Variants in RNF150 observed in about 807,000 individuals in gnomAD.
RNF150 encodes the protein ring finger protein 150.
In RNF150, 24 loss-of-function variants were observed where a neutral mutation model predicts 39.3. That is an observed-to-expected ratio of 0.61 (90% CI 0.44 to 0.86). The LOEUF is 0.86. Among genes scored for constraint, RNF150 ranks in the 40% least tolerant of loss-of-function variants. The pLI is 0.00. For synonymous variants in RNF150, 255 were observed against 227.3 expected (o/e 1.12, Z -1.10); for missense variants, 502 against 587.8 (o/e 0.85, Z 1.51).
At chr4:141,095,472 A>G (rs1408348832) in intron 1 of RNF150, among the ~76,000 whole-genome samples, 4 of 152,248 alleles carry the variant, frequency 2.6e-5, no homozygotes, top group Non-Finnish European at 5.9e-5. Flanking sequence ...AATTGATAAA[A>G]TGGATAAATT....
intron 1 of RNF150, among the ~76,000 whole-genome samples, chr4:141,078,715 A>G (rs1481989594): frequency 6.9e-6 from 1 of 145,520 alleles, no homozygotes; most frequent in African/African-American, 2.6e-5. Context: ...GCGTGAACCC[A>G]GGCGGTGGAG....
rs1162974641 is a variant in RNF150, at chr4:141,132,368, G to A, written c.441C>T (p.Asn147=). The part of the protein sequence containing the change: ...LQNASAVVIF[N]VGSNTNETIT... ...TGGTCTCGTTGGTGTTGGAGCCCAC[G>A]TTGAAGATGACCACGGCTGAGGCGT... The change falls in exon 1 of 7, where the codon AAC becomes AAT. Residue 147 remains asparagine (N), a synonymous_variant. Transcript: ENST00000515673. This position sits in a 1 kb window ranked among gnomAD's most constrained non-coding sequence, Gnocchi z 4.9. The A allele has an allele frequency of 1.3e-6, 2 of 1,597,356 alleles. No individual in the cohort carries two copies. The highest frequency in any genetic ancestry group is 1.1e-5 in the South Asian group (1 of 87,836).
chr4:141,155,770 G>A (rs1299047881), intron 1 of RNF150, among the ~76,000 whole-genome samples: 1 of 152,166 alleles, frequency 6.6e-6, no homozygotes, highest in African/African-American at 2.4e-5. Flanking sequence ...TCCATGGTGC[G>A]TGGTCTCTCA....
intron 1 of RNF150, among the ~76,000 whole-genome samples, chr4:141,046,294 T>C (rs1410011593): frequency 6.6e-6 from 1 of 152,208 alleles, no homozygotes; most frequent in African/African-American, 2.4e-5. Context: ...TCTACCTACA[T>C]AGATACTAAC....
intron 6 of RNF150, among the ~76,000 whole-genome samples, chr4:140,869,931 G>T (rs1214351812): frequency 1.3e-5 from 2 of 151,994 alleles, no homozygotes; most frequent in Non-Finnish European, 2.9e-5. Flanking sequence ...CTCTTACTTT[G>T]CAGAAGAAAT....
In RNF150 at chr4:140,957,967, G is replaced by A. The variant is rs554316068; in HGVS notation, c.736-8595C>T. On this transcript the variant is annotated intron_variant, in intron 2 of 6. Transcript: ENST00000515673. The stretch of plus-strand genomic sequence containing the variant: ...TAGATGACGAGTTAGTGGGTGTAGC[G>A]CACCAGCATGGCACATGTATACATA... Among the ~76,000 whole-genome samples the A allele has an allele frequency of 1.6e-4, 24 of 151,684 alleles. No homozygotes were observed. In the South Asian group the frequency reaches 4.2e-3, roughly 26 times the overall value.
chr4:140,933,915 A>C (rs1209110126), intron 4 of RNF150, among the ~76,000 whole-genome samples: 1 of 152,216 alleles, frequency 6.6e-6, no homozygotes, highest in Non-Finnish European at 1.5e-5. Context: ...CCACTGACCT[A>C]GTGCCACACT....
At chr4:141,093,299 G>A (rs913516972) in intron 1 of RNF150, among the ~76,000 whole-genome samples, 1 of 151,306 alleles carries the variant, frequency 6.6e-6, no homozygotes, top group Non-Finnish European at 1.5e-5. Context: ...CTGGGAGGAG[G>A]TGCTTGCAGT....
intron 2 of RNF150, among the ~76,000 whole-genome samples, chr4:140,966,029 T>G (rs917780082): frequency 2.0e-5 from 3 of 152,002 alleles, no homozygotes; most frequent in African/African-American, 7.2e-5. Flanking sequence ...ACAATAAAAT[T>G]TATTTTTTTA....
At chr4:141,170,578 C>A (rs939235751) in intron 1 of RNF150, among the ~76,000 whole-genome samples, 1 of 152,144 alleles carries the variant, frequency 6.6e-6, no homozygotes, top group Non-Finnish European at 1.5e-5. Flanking sequence ...GAGAGTCTAT[C>A]ATTAAAGCAG....
At chr4:141,127,999 TG>T (rs2111101461) in intron 1 of RNF150, among the ~76,000 whole-genome samples, 2 of 152,320 alleles carry the variant, frequency 1.3e-5, no homozygotes, top group South Asian at 4.1e-4. Flanking sequence ...GAATCTTAAA[TG>T]TTCATCAATC....
At chr4:140,935,046 A>ATAAAT (rs56284933) in intron 4 of RNF150, among the ~76,000 whole-genome samples, 37 of 93,672 alleles carry the variant, frequency 3.9e-4, no homozygotes, top group East Asian at 5.4e-4. Context: ...TATATATATA[A>ATAAAT]ATATATATAT....
intron 1 of RNF150, among the ~76,000 whole-genome samples, chr4:141,138,860 A>G (rs372447662): frequency 1.2e-4 from 18 of 152,336 alleles, no homozygotes; most frequent in African/African-American, 3.8e-4. Context: ...TCAGGACAAG[A>G]AGAGTAGGAG....
chr4:141,003,589 AC>A (rs1734753112), intron 1 of RNF150, among the ~76,000 whole-genome samples: 1 of 151,680 alleles, frequency 6.6e-6, no homozygotes. Flanking sequence ...ACACACACAC[AC>A]ACACACACAC....
At chr4:141,017,864 T>C (rs1198878132) in intron 1 of RNF150, among the ~76,000 whole-genome samples, 1 of 152,178 alleles carries the variant, frequency 6.6e-6, no homozygotes, top group Non-Finnish European at 1.5e-5. Flanking sequence ...AATATTCCCT[T>C]GGTTATATGT....
intron 1 of RNF150, among the ~76,000 whole-genome samples, chr4:141,033,778 T>C (rs1736040592): frequency 6.6e-6 from 1 of 152,196 alleles, no homozygotes; most frequent in Admixed American, 6.5e-5. Context: ...CAATGAGCAA[T>C]CATATTTTGA....
At chr4:141,158,844 C>T (rs997743552) in intron 1 of RNF150, among the ~76,000 whole-genome samples, 2 of 152,084 alleles carry the variant, frequency 1.3e-5, no homozygotes, top group Non-Finnish European at 2.9e-5. Context: ...CTCTTTTTAC[C>T]TGAACCATCC....
At chr4:140,913,694 A>G (rs1451047503) in intron 5 of RNF150, among the ~76,000 whole-genome samples, 2 of 152,168 alleles carry the variant, frequency 1.3e-5, no homozygotes, top group Admixed American at 6.5e-5. Flanking sequence ...CTAGTCCCCA[A>G]ACATTGTAAA....
chr4:140,940,433 ATAGT>A (rs1560978374), intron 4 of RNF150, among the ~76,000 whole-genome samples: 5 of 152,140 alleles, frequency 3.3e-5, no homozygotes, highest in African/African-American at 9.7e-5. Flanking sequence ...GTGTCCAAAA[ATAGT>A]TAGGCAAATA....
Sources: gnomAD v4.1 joint callset for allele counts (sites outside exome capture counted in the v4.1 genomes callset) on GRCh38, gnomAD v4.1.1 for gene constraint, Gnocchi (gnomAD v3.1) non-coding constraint, MANE v1.5 for transcripts, NCBI Gene and HGNC (gene_info 2026-07-23, HGNC 2026-07-21) for gene names.